TSPAN18: variants seen among roughly 807,000 people sequenced by gnomAD.
The protein encoded by TSPAN18 is tetraspanin 18.
In TSPAN18, 14 loss-of-function variants were observed where a neutral mutation model predicts 27.3. The ratio of observed to expected loss-of-function variants is 0.51; its 90% CI spans 0.34 to 0.80. TSPAN18 has a LOEUF of 0.80. Ranked by LOEUF, TSPAN18 falls within the 30% of genes least tolerant of loss-of-function variation. The pLI, the probability that TSPAN18 is intolerant of heterozygous loss-of-function variation, is 0.01. For synonymous variants in TSPAN18, 143 were observed against 136.5 expected (o/e 1.05, Z -0.33); for missense variants, 268 against 323.9 (o/e 0.83, Z 1.32).
At chr11:44,839,556 C>G (rs1018851809) in intron 2 of TSPAN18, among the ~76,000 whole-genome samples, 1 of 152,122 alleles carries the variant, frequency 6.6e-6, no homozygotes, top group Admixed American at 6.5e-5. Context: ...CATTCTTTCC[C>G]TCTTATCTAG....
intron 2 of TSPAN18, among the ~76,000 whole-genome samples, chr11:44,804,816 A>AGAG (rs1856557510): frequency 6.6e-6 from 1 of 152,082 alleles, no homozygotes; most frequent in Non-Finnish European, 1.5e-5. Flanking sequence ...GGGGGTGGGG[A>AGAG]GAGAAGAAGA....
intron 2 of TSPAN18, among the ~76,000 whole-genome samples, chr11:44,771,175 C>T (rs1855682125): frequency 6.6e-6 from 1 of 152,126 alleles, no homozygotes; most frequent in Non-Finnish European, 1.5e-5. Flanking sequence ...CAAGGGCAGT[C>T]ATGTGTTATT....
At chr11:44,843,560 A>G (rs2135171233) in intron 2 of TSPAN18, among the ~76,000 whole-genome samples, 1 of 152,330 alleles carries the variant, frequency 6.6e-6, no homozygotes, top group Non-Finnish European at 1.5e-5. Context: ...GGTCTGACCA[A>G]AATTTATTAG....
chr11:44,766,602 C>A (rs748819988), intron 2 of TSPAN18, among the ~76,000 whole-genome samples: 2 of 152,214 alleles, frequency 1.3e-5, no homozygotes, highest in Non-Finnish European at 2.9e-5. Flanking sequence ...TCTTTAAGTG[C>A]AGAGCAAAGC....
At chr11:44,856,677 G>A (rs1477171946) in intron 2 of TSPAN18, among the ~76,000 whole-genome samples, 5 of 152,144 alleles carry the variant, frequency 3.3e-5, no homozygotes, top group Non-Finnish European at 7.3e-5. Context: ...TATAGCAAGT[G>A]TTCAATTAAT....
chr11:44,756,363 C>T (rs1257055936), intron 1 of TSPAN18, among the ~76,000 whole-genome samples: 3 of 151,256 alleles, frequency 2.0e-5, no homozygotes, highest in African/African-American at 4.9e-5. Flanking sequence ...AATCATGAAT[C>T]ATAGCTACTC....
chr11:44,823,320 A>T (rs1856966452), intron 2 of TSPAN18, among the ~76,000 whole-genome samples: 1 of 152,150 alleles, frequency 6.6e-6, no homozygotes, highest in Admixed American at 6.5e-5. Context: ...AAGGGTGAGG[A>T]TGGGTGGAGA....
intron 1 of TSPAN18, among the ~76,000 whole-genome samples, chr11:44,763,832 A>C (rs988593914): frequency 9.9e-5 from 15 of 152,144 alleles, no homozygotes; most frequent in Non-Finnish European, 2.2e-4. Flanking sequence ...GCTGGTGCTT[A>C]GTCCTGCCTT....
At chr11:44,736,402 C>T (rs965946335) in intron 1 of TSPAN18, 49 of 152,244 alleles carry the variant, frequency 3.2e-4, no homozygotes, top group African/African-American at 1.1e-3. Context: ...TCTTTCAACT[C>T]GCCTTTCTGG....
At chr11:44,739,722 C>T (rs189239373) in intron 1 of TSPAN18, among the ~76,000 whole-genome samples, 1 of 152,308 alleles carries the variant, frequency 6.6e-6, no homozygotes, top group Non-Finnish European at 1.5e-5. Context: ...AAAACAAAAG[C>T]ATATTCAATG....
At chr11:44,779,510 G>A (rs974582598) in intron 2 of TSPAN18, among the ~76,000 whole-genome samples, 5 of 152,164 alleles carry the variant, frequency 3.3e-5, no homozygotes, top group African/African-American at 1.2e-4. Context: ...TGAGATTAGA[G>A]TTGTGGGTGA....
chr11:44,930,464 C>G lies in TSPAN18; in HGVS notation c.*1286C>G, dbSNP rs1347681395. On this transcript the variant is annotated 3_prime_UTR_variant, in exon 10 of 10. Coordinates refer to ENST00000520358, the MANE Select transcript of TSPAN18 (RefSeq NM_130783.5). Reference sequence around the variant, plus strand: ...GGTCACACATTGACTCCCCTGAGCCCTCTTCTCTCCAGGCTAAAGAATCCC... The same window carrying G: ...GGTCACACATTGACTCCCCTGAGCCGTCTTCTCTCCAGGCTAAAGAATCCC... 4.4e-6 allele frequency: 1 copy of G among 225,862 alleles called. No homozygotes were observed. Among genetic ancestry groups the G allele is most frequent in the Non-Finnish European group, 8.9e-6 (1 of 112,630 alleles). The allele number at this position is 225,862 out of a possible 1,614,324, so 14.0% of individuals were successfully genotyped here.
At chr11:44,808,757 T>C (rs997033594) in intron 2 of TSPAN18, among the ~76,000 whole-genome samples, 1 of 152,232 alleles carries the variant, frequency 6.6e-6, no homozygotes, top group Non-Finnish European at 1.5e-5. Context: ...TCTGGGTTTG[T>C]GGACAGATCT....
At chr11:44,794,990 G>A (rs1856315303) in intron 2 of TSPAN18, among the ~76,000 whole-genome samples, 1 of 152,046 alleles carries the variant, frequency 6.6e-6, no homozygotes, top group African/African-American at 2.4e-5. Context: ...AGCATAAAGA[G>A]GGGGTCCTCA....
At chr11:44,898,132 G>T (rs1054164503) in intron 3 of TSPAN18, among the ~76,000 whole-genome samples, 2 of 152,200 alleles carry the variant, frequency 1.3e-5, no homozygotes, top group African/African-American at 4.8e-5. Flanking sequence ...ACAAGTCCAT[G>T]CCTTTATGAA....
At chr11:44,847,490 T>G (rs1351908427) in intron 2 of TSPAN18, among the ~76,000 whole-genome samples, 1 of 152,280 alleles carries the variant, frequency 6.6e-6, no homozygotes, top group South Asian at 2.1e-4. Flanking sequence ...TTACTTTTCA[T>G]GGCTGAATAC....
In TSPAN18 at chr11:44,764,451, A is replaced by C. The variant is rs1405075000; in HGVS notation, c.-214A>C. On this transcript the variant is annotated 5_prime_UTR_variant, in exon 2 of 10. Transcript: ENST00000520358. ...AGTGTATCCAGAAGCTACTGTCAGG[A>C]GGACACTGTAAGAGAACCTTGGCAC... 2 of 152,242 alleles carry C rather than the reference A, an allele frequency of 1.3e-5. No homozygotes were observed. Among genetic ancestry groups the C allele is most frequent in the South Asian group, 2.1e-4 (1 of 4,822 alleles). The allele number at this position is 152,242 out of a possible 1,614,324, so 9.4% of individuals were successfully genotyped here.
rs188454432 is a variant in TSPAN18, at chr11:44,765,556, G to A, written c.-153+1044G>A. ...ACCATCCCATTCTGTCCTCTCATCT[G>A]TCATGTCATCTTGCCACTATGATCA... On this transcript the variant is annotated intron_variant, in intron 2 of 9. Coordinates refer to ENST00000520358, the MANE Select transcript of TSPAN18 (RefSeq NM_130783.5). Among the ~76,000 whole-genome samples, 4 of 152,314 alleles carry A rather than the reference G, an allele frequency of 2.6e-5. No individual in the cohort carries two copies. In the East Asian group the frequency reaches 7.7e-4, roughly 29 times the overall value.
At chr11:44,868,773 C>T (rs914001379) in intron 3 of TSPAN18, among the ~76,000 whole-genome samples, 3 of 152,172 alleles carry the variant, frequency 2.0e-5, no homozygotes, top group African/African-American at 7.2e-5. Flanking sequence ...AGGTGGAGCG[C>T]CCACACCAGG....
Sources: gnomAD v4.1 joint callset for allele counts (sites outside exome capture counted in the v4.1 genomes callset) on GRCh38, gnomAD v4.1.1 for gene constraint, MANE v1.5 for transcripts, NCBI Gene and HGNC (gene_info 2026-07-23, HGNC 2026-07-21) for gene names.